KLF3: variants seen among roughly 807,000 people sequenced by gnomAD.
The protein encoded by KLF3 is Krueppel-like factor 3.
In KLF3, 6 loss-of-function variants were observed where a neutral mutation model predicts 32.7. The observed-to-expected ratio is 0.18, with a 90% CI of 0.10 to 0.36. The LOEUF is 0.36. Ranked by LOEUF, KLF3 falls within the 10% of genes least tolerant of loss-of-function variation. The pLI, the probability that KLF3 is intolerant of heterozygous loss-of-function variation, is 1.00. For synonymous variants in KLF3, 145 were observed against 172.8 expected (o/e 0.84, Z 1.26); for missense variants, 338 against 449.7 (o/e 0.75, Z 2.25).
intron 2 of KLF3, among the ~76,000 whole-genome samples, chr4:38,683,208 C>T (rs1722581583): frequency 6.6e-6 from 1 of 152,092 alleles, no homozygotes; most frequent in South Asian, 2.1e-4. Flanking sequence ...CATTAAGGCA[C>T]AATAGGACAT....
At position 38,681,436 on chromosome 4, in the gene KLF3, A is replaced by C. The variant is rs76177595; in HGVS notation, c.57+754A>C. Among the ~76,000 whole-genome samples the C allele has an allele frequency of 2.0e-3, 305 of 152,316 alleles. 1 individual carries two copies. Among genetic ancestry groups the C allele is most frequent in the African/African-American group, 7.0e-3 (291 of 41,566 alleles). On this transcript the variant is annotated intron_variant, in intron 2 of 5. Coordinates refer to ENST00000261438, the MANE Select transcript of KLF3 (RefSeq NM_016531.6). ...TGGCAGTGAGGACGGAATCTCGTTTACTTGGAAGAGTCTGGCTGGGTAGGA... is the reference window on the plus strand; with the variant it reads ...TGGCAGTGAGGACGGAATCTCGTTTCCTTGGAAGAGTCTGGCTGGGTAGGA...
chr4:38,674,218 T>G lies in KLF3; in HGVS notation c.-39-6369T>G, dbSNP rs1579118604. Among the ~76,000 whole-genome samples the G allele has an allele frequency of 6.6e-6, 1 of 152,160 alleles. No homozygotes were observed. Among genetic ancestry groups the G allele is most frequent in the African/African-American group, 2.4e-5 (1 of 41,432 alleles). ...AGCTTTGTTTCAGGGAGCCTCCAGCTTAAAAATGCCTGCTGACATCTGTTG... is the reference window on the plus strand; with the variant it reads ...AGCTTTGTTTCAGGGAGCCTCCAGCGTAAAAATGCCTGCTGACATCTGTTG... On this transcript the variant is annotated intron_variant, in intron 1 of 5. Coordinates refer to ENST00000261438, the MANE Select transcript of KLF3 (RefSeq NM_016531.6). This position sits in a 1 kb window ranked among gnomAD's most constrained non-coding sequence, Gnocchi z 4.1.
chr4:38,673,752 C>T (rs939613250), intron 1 of KLF3, among the ~76,000 whole-genome samples: 1 of 152,030 alleles, frequency 6.6e-6, no homozygotes, highest in African/African-American at 2.4e-5. Flanking sequence ...TACCTTTGCA[C>T]CTGTCCTTAT....
rs927394301 is a variant in KLF3, at chr4:38,698,824, A to G, written c.*1561A>G. The stretch of plus-strand genomic sequence containing the variant: ...TGAAGAAAGTGAGCAACAGTAGTTA[A>G]ATGTGGGTGCATATAACCAAATTCC... On this transcript the variant is annotated 3_prime_UTR_variant, in exon 6 of 6. Coordinates refer to ENST00000261438, the MANE Select transcript of KLF3 (RefSeq NM_016531.6). The G allele has an allele frequency of 6.6e-6, 1 of 152,230 alleles. No homozygotes were observed. Among genetic ancestry groups the G allele is most frequent in the Non-Finnish European group, 1.5e-5 (1 of 68,048 alleles). 9.4% of individuals were successfully genotyped at this position (152,230 alleles called of 1,614,324 possible).
chr4:38,697,067 T>C lies in KLF3; in HGVS notation c.857-15T>C. 6.4e-7 allele frequency: 1 copy of C among 1,562,870 alleles called. No individual in the cohort carries two copies. The highest frequency in any genetic ancestry group is 1.7e-4 in the Middle Eastern group (1 of 5,802). On this transcript the variant is annotated splice_polypyrimidine_tract_variant and intron_variant, in intron 5 of 5. Transcript: ENST00000261438. ...ACAGAAAAAAAAAATAGCTCTTTTC[T>C]TTTTCCTTTTGCAGGAGAAAAACCC...
chr4:38,680,503 C>A, intron 1 of KLF3, 84 bp from the exon 2 acceptor site: 1 of 693,634 alleles, frequency 1.4e-6, no homozygotes. Context: ...GGTGAGCCAC[C>A]TTGCCCAGGC....
chr4:38,670,304 C>T (rs748989652), intron 1 of KLF3, among the ~76,000 whole-genome samples: 14 of 152,186 alleles, frequency 9.2e-5, no homozygotes, highest in Non-Finnish European at 1.8e-4. Flanking sequence ...TAGTCTGGGA[C>T]ATCCTCAGGA....
Position 38,696,186 on chromosome 4 carries a change from GAAAAAAAAAA to G in KLF3, c.857-883_857-874del, listed in dbSNP as rs57996051. Among the ~76,000 whole-genome samples the G allele has an allele frequency of 1.9e-3, 192 of 99,258 alleles. 2 individuals are homozygous for G. The highest frequency in any genetic ancestry group is 2.8e-3 in the South Asian group (7 of 2,500). The allele number at this position is 99,258 out of a possible 152,430, so 65.1% of individuals were successfully genotyped here. On this transcript the variant is annotated intron_variant, in intron 5 of 5. Coordinates refer to ENST00000261438, the MANE Select transcript of KLF3 (RefSeq NM_016531.6). Reference sequence around the variant, plus strand: ...TATTTGGGTGACAGTTTAGATGTAGGAAAAAAAAAAAAAAAAAAAAAACGCCTCTTTGTGT... The same window carrying G: ...TATTTGGGTGACAGTTTAGATGTAGGAAAAAAAAAAAACGCCTCTTTGTGT...
Position 38,689,775 on chromosome 4 carries a change from T to G in KLF3, c.591T>G (p.Ile197Met), listed in dbSNP as rs1245397890. Residue 197 changes from isoleucine to methionine, a missense_variant, in exon 4 of 6, where the codon ATT (isoleucine) becomes ATG (methionine). Physicochemically the swap from Ile to Met is conservative, Grantham distance 10. Coordinates refer to ENST00000261438, the MANE Select transcript of KLF3 (RefSeq NM_016531.6). Reference sequence around the variant, plus strand: ...AGAAGCCTATATCACAGAAAAAAATTAAAATAGAACCTGGGATCGAACCAC... The same window carrying G: ...AGAAGCCTATATCACAGAAAAAAATGAAAATAGAACCTGGGATCGAACCAC... The part of the protein sequence containing the change: ...SYEKPISQKK[I>M]KIEPGIEPQR... The G allele has an allele frequency of 6.2e-7, 1 of 1,608,930 alleles. No homozygotes were observed. The highest frequency in any genetic ancestry group is 8.5e-7 in the Non-Finnish European group (1 of 1,177,450).
intron 2 of KLF3, among the ~76,000 whole-genome samples, chr4:38,687,423 T>C (rs1160550784): frequency 6.6e-6 from 1 of 152,252 alleles, no homozygotes; most frequent in Non-Finnish European, 1.5e-5. Context: ...TCAAGGATAG[T>C]GCCCATTGTG....
chr4:38,665,531 C>A (rs1047690365), intron 1 of KLF3, among the ~76,000 whole-genome samples: 3 of 152,216 alleles, frequency 2.0e-5, no homozygotes, highest in Non-Finnish European at 4.4e-5. Context: ...TCAAGTTAAA[C>A]GGAAATTGGA....
chr4:38,694,209 G>C (rs1485476145), intron 4 of KLF3, among the ~76,000 whole-genome samples: 1 of 152,170 alleles, frequency 6.6e-6, no homozygotes, highest in Non-Finnish European at 1.5e-5. Flanking sequence ...TTACATAAAG[G>C]ATAAAAACGT....
Position 38,694,691 on chromosome 4 carries a change from A to C in KLF3, c.696-55A>C, listed in dbSNP as rs1722998055. ...TGTTGTTAATGCTTTTAGTAGACTG[A>C]TGAAAAAGGAAGAGCGTGCTCTCAA... On this transcript the variant is annotated intron_variant, in intron 4 of 5. Coordinates refer to ENST00000261438, the MANE Select transcript of KLF3 (RefSeq NM_016531.6). The C allele has an allele frequency of 2.1e-6, 3 of 1,446,090 alleles. No homozygotes were observed. The East Asian group carries it at 7.6e-5, about 36-fold the overall frequency. The allele number at this position is 1,446,090 out of a possible 1,614,324, so 89.6% of individuals were successfully genotyped here. A position where few individuals can be genotyped will look rare whatever the true frequency, so the allele number is the denominator to read the frequency against.
intron 1 of KLF3, among the ~76,000 whole-genome samples, chr4:38,675,441 A>G (rs68191221): frequency 0.18 from 27,129 of 151,798 alleles, 2,526 homozygotes; most frequent in Non-Finnish European, 0.21. Context: ...TTAGTTTAGC[A>G]TTAGAATGTA....
intron 4 of KLF3, among the ~76,000 whole-genome samples, chr4:38,693,001 TA>T (rs1722916671): frequency 6.6e-6 from 1 of 150,398 alleles, no homozygotes; most frequent in South Asian, 2.1e-4. Flanking sequence ...TTCAGCCTTA[TA>T]AAAACTCTGT....
At chr4:38,694,584 T>TA (rs1722994664) in intron 4 of KLF3, among the ~76,000 whole-genome samples, 162 bp from the exon 5 acceptor site, 1 of 152,232 alleles carries the variant, frequency 6.6e-6, no homozygotes, top group African/African-American at 2.4e-5. Context: ...GTTGAATGAA[T>TA]ATAGCAGTGC....
chr4:38,696,195 A>AT (rs1723040122), intron 5 of KLF3, among the ~76,000 whole-genome samples: 1 of 151,152 alleles, frequency 6.6e-6, no homozygotes, highest in African/African-American at 2.4e-5. Flanking sequence ...GGAAAAAAAA[A>AT]AAAAAAAAAA....
intron 2 of KLF3, among the ~76,000 whole-genome samples, chr4:38,686,572 C>A (rs1296539309): frequency 1.3e-5 from 2 of 151,954 alleles, no homozygotes; most frequent in Non-Finnish European, 2.9e-5. Flanking sequence ...TTCCCTTGGT[C>A]CACTCCCCGG....
At chr4:38,687,678 C>G (rs1412374157) in intron 2 of KLF3, among the ~76,000 whole-genome samples, 1 of 152,172 alleles carries the variant, frequency 6.6e-6, no homozygotes, top group East Asian at 1.9e-4. Flanking sequence ...ACTTTGAGCT[C>G]CACATTTCCT....
Sources: allele counts gnomAD v4.1 joint callset (sites outside exome capture counted in the v4.1 genomes callset), GRCh38; gene constraint gnomAD v4.1.1; non-coding constraint Gnocchi (gnomAD v3.1); transcripts MANE v1.5; gene names NCBI Gene and HGNC (gene_info 2026-07-23, HGNC 2026-07-21).